PCDH15: variants seen among roughly 807,000 people sequenced by gnomAD.
The protein encoded by PCDH15 is protocadherin related 15.
Under a neutral mutation model 178.5 loss-of-function variants are expected in PCDH15, and 129 were observed. The observed-to-expected ratio is 0.72, with a 90% CI of 0.63 to 0.84. The LOEUF (loss-of-function observed/expected upper bound fraction) is 0.84, where lower values mean the gene tolerates loss of function less well. Among genes scored for constraint, PCDH15 ranks in the 40% least tolerant of loss-of-function variants. The pLI, the probability that PCDH15 is intolerant of heterozygous loss-of-function variation, is 0.00. For missense variants in PCDH15, 2,230 were observed against 2,099.9 expected, an observed-to-expected ratio of 1.06 and a Z score of -1.21; for synonymous variants, 800 against 732.0, an observed-to-expected ratio of 1.09 and a Z score of -1.50.
intron 28 of PCDH15, among the ~76,000 whole-genome samples, chr10:53,854,634 C>A (rs183024677): frequency 6.6e-6 from 1 of 151,934 alleles, no homozygotes; most frequent in Non-Finnish European, 1.5e-5. Flanking sequence ...ATTCCATTAC[C>A]AAATGCTTAA....
chr10:54,664,074 T>C (rs1307670320), intron 2 of PCDH15, 98 bp downstream of exon 2: 21 of 947,464 alleles, frequency 2.2e-5, no homozygotes, highest in Non-Finnish European at 3.3e-5. Flanking sequence ...CTTTCAATCA[T>C]AAACTACAAA....
chr10:55,334,238 ATATATG>A (rs1359839779), intron 2 of PCDH15, among the ~76,000 whole-genome samples: 90 of 97,316 alleles, frequency 9.2e-4, no homozygotes, highest in South Asian at 3.9e-3. Context: ...ATATATATAT[ATATATG>A]TGTGTGTGTG....
rs1240620059 is a variant in PCDH15 at position 53,866,702 on chromosome 10, C to G, written c.3657G>C (p.Lys1219Asn). 6.2e-7 allele frequency: 1 copy of G among 1,613,544 alleles called. No individual in the cohort carries two copies. Among genetic ancestry groups the G allele is most frequent in the South Asian group, 1.1e-5 (1 of 91,078 alleles). ...LFHNMRRSYF[K>N]FQVIATDDYG... is the part of the protein sequence containing the mutation. ...AGTCGTCAGTTGCAATAACTTGAAA[C>G]TTGAAGTAGGATCTCCTCATATTAT... Residue 1219 changes from lysine to asparagine, a missense_variant, in exon 27 of 38, where the codon AAG (lysine) becomes AAC (asparagine). Lys to Asn is a moderately conservative substitution (Grantham distance 94). Coordinates refer to ENST00000644397, the MANE Select transcript of PCDH15 (RefSeq NM_001384140.1).
At chr10:54,262,633 G>A (rs2057397024) in intron 8 of PCDH15, among the ~76,000 whole-genome samples, 1 of 152,134 alleles carries the variant, frequency 6.6e-6, no homozygotes, top group South Asian at 2.1e-4. Context: ...GGGACATTGA[G>A]CTGAGATTTG....
intron 2 of PCDH15, among the ~76,000 whole-genome samples, chr10:54,995,149 G>A (rs1024348364): frequency 6.6e-6 from 1 of 151,972 alleles, no homozygotes; most frequent in African/African-American, 2.4e-5. Context: ...GGCCGAGGCG[G>A]GCGGATCACG....
At chr10:54,746,930 G>A (rs1023670631) in intron 1 of PCDH15, among the ~76,000 whole-genome samples, 2 of 152,082 alleles carry the variant, frequency 1.3e-5, no homozygotes, top group African/African-American at 4.8e-5. Flanking sequence ...ACTTTACATT[G>A]GGTTTATCAG....
At chr10:55,320,477 G>GAAAAAAA, upstream of PCDH15, among the ~76,000 whole-genome samples, 1 of 152,134 alleles carries the variant, frequency 6.6e-6, no homozygotes, top group East Asian at 1.9e-4. Context: ...GCCCACTGCT[G>GAAAAAAA]GCCTGTGTAA....
intron 16 of PCDH15, among the ~76,000 whole-genome samples, chr10:54,088,920 T>C (rs569405113): frequency 6.5e-4 from 94 of 144,536 alleles, no homozygotes; most frequent in African/African-American, 2.0e-3. Flanking sequence ...CTACACAGCC[T>C]TGCTTAAAGT....
chr10:55,317,647 T>TATAGTCAC (rs1843760154), intron 1 of PCDH15, among the ~76,000 whole-genome samples: 1 of 151,856 alleles, frequency 6.6e-6, no homozygotes, highest in Non-Finnish European at 1.5e-5. Flanking sequence ...TCTCTCATAC[T>TATAGTCAC]ATAGTCACCC....
chr10:55,019,189 C>T (rs562318504), intron 2 of PCDH15, among the ~76,000 whole-genome samples: 37 of 148,980 alleles, frequency 2.5e-4, no homozygotes, highest in Non-Finnish European at 3.8e-4. Flanking sequence ...TTATTACAGA[C>T]GAATACATTT....
chr10:55,556,141 C>A (rs549159686), intron 2 of PCDH15, among the ~76,000 whole-genome samples: 1 of 152,086 alleles, frequency 6.6e-6, no homozygotes, highest in South Asian at 2.1e-4. Flanking sequence ...TATAATTACA[C>A]CATAATTTAT....
At chr10:54,126,008 T>C (rs755913239) in intron 15 of PCDH15, among the ~76,000 whole-genome samples, 92 of 152,260 alleles carry the variant, frequency 6.0e-4, no homozygotes, top group Middle Eastern at 3.4e-3. Flanking sequence ...TAAAATCTTT[T>C]ATGAGTTTAT....
At chr10:55,333,380 G>A (rs1197897142) in intron 2 of PCDH15, among the ~76,000 whole-genome samples, 1 of 145,482 alleles carries the variant, frequency 6.9e-6, no homozygotes, top group African/African-American at 2.8e-5. Flanking sequence ...TTTTTTGGTT[G>A]TTGTTGTTTG....
At chr10:53,997,375 G>A (rs2091905850) in intron 20 of PCDH15, among the ~76,000 whole-genome samples, 1 of 152,132 alleles carries the variant, frequency 6.6e-6, no homozygotes, top group South Asian at 2.1e-4. Context: ...TTCCAAGAGT[G>A]CCAATTAACT....
rs1487009831 is a variant in PCDH15, at chr10:54,200,897, GA to G, written c.1099-5009del. ...ACCTTAAAAATGTCAGTACTATTAT[GA>G]CTCCTAATTTCAATCTCCAACCTGG... On this transcript the variant is annotated intron_variant, in intron 10 of 37. Transcript: ENST00000644397. 2.6e-5 allele frequency among the ~76,000 whole-genome samples: 4 copies of G among 152,086 alleles called. No individual in the cohort carries two copies. The East Asian group carries it at 7.8e-4, about 30-fold the overall frequency.
chr10:54,164,811 T>C (rs2046056323), intron 13 of PCDH15, among the ~76,000 whole-genome samples: 1 of 152,172 alleles, frequency 6.6e-6, no homozygotes, highest in Non-Finnish European at 1.5e-5. Context: ...AGTCATAAGA[T>C]ATTATATCTA....
At chr10:55,126,685 T>C (rs1024456714) in intron 2 of PCDH15, among the ~76,000 whole-genome samples, 6 of 151,982 alleles carry the variant, frequency 3.9e-5, no homozygotes, top group African/African-American at 1.4e-4. Context: ...ATTGAACAAA[T>C]AGATAAACTC....
At chr10:54,819,446 CAG>C (rs746712272) in intron 3 of PCDH15, among the ~76,000 whole-genome samples, 2 of 151,704 alleles carry the variant, frequency 1.3e-5, no homozygotes, top group African/African-American at 2.4e-5. Flanking sequence ...TTTTAAAAAA[CAG>C]AGCTTATTTT....
chr10:55,371,301 T>A (rs1273293466), intron 2 of PCDH15, among the ~76,000 whole-genome samples: 1 of 152,078 alleles, frequency 6.6e-6, no homozygotes, highest in East Asian at 1.9e-4. Flanking sequence ...AAATTAAAAT[T>A]CTTGAGCCTT....
Sources: gnomAD v4.1 joint callset for allele counts (sites outside exome capture counted in the v4.1 genomes callset) on GRCh38, gnomAD v4.1.1 for gene constraint, MANE v1.5 for transcripts, NCBI Gene and HGNC (gene_info 2026-07-23, HGNC 2026-07-21) for gene names.